CEP83: variants seen among roughly 807,000 people sequenced by gnomAD.
CEP83 encodes centrosomal protein 83.
In CEP83, 70 loss-of-function variants were observed where a neutral mutation model predicts 101.9. The observed-to-expected ratio is 0.69, with a 90% CI of 0.57 to 0.84. CEP83 has a LOEUF of 0.84. Ranked by LOEUF, CEP83 falls within the 40% of genes least tolerant of loss-of-function variation. The pLI is 0.00. For synonymous variants in CEP83, 264 were observed against 267.9 expected, an observed-to-expected ratio of 0.99 and a Z score of 0.14; for missense variants, 715 against 787.2, an observed-to-expected ratio of 0.91 and a Z score of 1.10.
At chr12:94,407,918 A>C (rs1418370404) in intron 4 of CEP83, 1 of 152,422 alleles carries the variant, frequency 6.6e-6, no homozygotes, top group Non-Finnish European at 1.5e-5. Context: ...TCCAGGTTCA[A>C]ACAATTCTCA....
intron 1 of CEP83, among the ~76,000 whole-genome samples, chr12:94,435,768 T>A (rs1418338769): frequency 6.6e-6 from 1 of 152,210 alleles, no homozygotes; most frequent in Non-Finnish European, 1.5e-5. Context: ...TGCAACTCCC[T>A]GGCTAATCAG....
At chr12:94,319,223 T>C (rs1971212485) in intron 14 of CEP83, among the ~76,000 whole-genome samples, 1 of 152,192 alleles carries the variant, frequency 6.6e-6, no homozygotes, top group Non-Finnish European at 1.5e-5. Flanking sequence ...TCTGTGACGG[T>C]TGTTTGTATT....
chr12:94,397,885 T>TG (rs2062997802), intron 6 of CEP83, among the ~76,000 whole-genome samples: 1 of 152,228 alleles, frequency 6.6e-6, no homozygotes, highest in African/African-American at 2.4e-5. Flanking sequence ...GTAGTGTATA[T>TG]ATTACCAGCT....
rs148351677 is a variant in CEP83, at chr12:94,320,218, T to G, written c.1708-7201A>C. Reference sequence around the variant, plus strand: ...GGCAGATGTTCCTCCATCCATTTATTTTGAGCCTATGGGTGTCATTGCATA... The same window carrying G: ...GGCAGATGTTCCTCCATCCATTTATGTTGAGCCTATGGGTGTCATTGCATA... On this transcript the variant is annotated intron_variant, in intron 14 of 16. Coordinates refer to ENST00000397809, the MANE Select transcript of CEP83 (RefSeq NM_016122.3). Among the ~76,000 whole-genome samples the G allele has an allele frequency of 8.4e-4, 128 of 152,340 alleles. 1 individual carries two copies. The East Asian group carries it at 0.022, about 26-fold the overall frequency.
At chr12:94,321,181 T>C (rs1020486363) in intron 14 of CEP83, among the ~76,000 whole-genome samples, 5 of 152,254 alleles carry the variant, frequency 3.3e-5, no homozygotes, top group African/African-American at 1.2e-4. Flanking sequence ...ATACTTGTGA[T>C]TGCATTGTGA....
intron 11 of CEP83, among the ~76,000 whole-genome samples, chr12:94,340,041 T>A (rs2059612341): frequency 6.6e-6 from 1 of 152,162 alleles, no homozygotes; most frequent in East Asian, 1.9e-4. Context: ...TAAATGATAG[T>A]TTTTTGGTTT....
chr12:94,368,023 T>C, intron 10 of CEP83, 34 bp downstream of exon 10: 1 of 1,606,428 alleles, frequency 6.2e-7, no homozygotes, highest in Non-Finnish European at 8.5e-7. Context: ...TTTGCAAGGA[T>C]ATTTAAGTCA....
intron 15 of CEP83, among the ~76,000 whole-genome samples, chr12:94,310,776 TC>T (rs1375376504): frequency 6.6e-6 from 1 of 152,236 alleles, no homozygotes; most frequent in Non-Finnish European, 1.5e-5. Context: ...TGAAATATGG[TC>T]AAATATAGAG....
At chr12:94,449,592 C>T (rs1268124926) in intron 1 of CEP83, among the ~76,000 whole-genome samples, 1 of 131,946 alleles carries the variant, frequency 7.6e-6, no homozygotes, top group African/African-American at 2.8e-5. Flanking sequence ...CCTGTCTCTA[C>T]AAAAAATACC....
chr12:94,299,231 A>G, the CEP83 span, among the ~76,000 whole-genome samples: 3 of 152,252 alleles, frequency 2.0e-5, no homozygotes, highest in African/African-American at 7.2e-5. Context: ...GTACTCAGAT[A>G]CTATGAGAAT....
chr12:94,282,390 G>C, the CEP83 span: 1 of 1,609,046 alleles, frequency 6.2e-7, no homozygotes, highest in South Asian at 1.1e-5. Flanking sequence ...AAACACCATT[G>C]GCCACTATGA....
the CEP83 span, among the ~76,000 whole-genome samples, chr12:94,267,557 C>T: frequency 5.9e-5 from 9 of 151,998 alleles, no homozygotes; most frequent in African/African-American, 1.9e-4. Context: ...TCAGATTTGC[C>T]GGTACATAAG....
chr12:94,325,167 T>C (rs1388541246), intron 14 of CEP83, among the ~76,000 whole-genome samples: 2 of 150,656 alleles, frequency 1.3e-5, no homozygotes, highest in African/African-American at 4.9e-5. Flanking sequence ...CTCCTGTCAA[T>C]TTTCTCTCCC....
At chr12:94,381,534 G>A (rs989835487) in intron 6 of CEP83, among the ~76,000 whole-genome samples, 1 of 152,048 alleles carries the variant, frequency 6.6e-6, no homozygotes, top group Admixed American at 6.6e-5. Flanking sequence ...AAAAATGATA[G>A]CACTTCAATT....
the CEP83 span, among the ~76,000 whole-genome samples, chr12:94,277,353 AGGG>A: frequency 6.6e-6 from 1 of 152,162 alleles, no homozygotes; most frequent in Admixed American, 6.5e-5. Context: ...ACCTGGAGTT[AGGG>A]GGACATCAAT....
the CEP83 span, chr12:94,279,793 C>A: frequency 1.3e-6 from 1 of 775,438 alleles, no homozygotes; most frequent in Non-Finnish European, 2.2e-6. Flanking sequence ...GAGGGCATGT[C>A]TAGGGGCCAA....
At chr12:94,329,386 C>G (rs1356547496) in intron 14 of CEP83, among the ~76,000 whole-genome samples, 1 of 152,092 alleles carries the variant, frequency 6.6e-6, no homozygotes, top group Non-Finnish European at 1.5e-5. Flanking sequence ...CCCACCTCAG[C>G]CTTCCAAGTA....
intron 6 of CEP83, among the ~76,000 whole-genome samples, chr12:94,386,989 A>AG (rs1566054470): frequency 6.6e-6 from 1 of 152,234 alleles, no homozygotes; most frequent in Non-Finnish European, 1.5e-5. Context: ...AACAAAGTTG[A>AG]CAAAAACAAA....
intron 11 of CEP83, among the ~76,000 whole-genome samples, chr12:94,345,782 T>C (rs2059907716): frequency 6.6e-6 from 1 of 152,236 alleles, no homozygotes; most frequent in African/African-American, 2.4e-5. Context: ...TACAATTCTC[T>C]GCACAGTCTA....
Sources: allele counts gnomAD v4.1 joint callset (sites outside exome capture counted in the v4.1 genomes callset), GRCh38; gene constraint gnomAD v4.1.1; transcripts MANE v1.5; gene names NCBI Gene and HGNC (gene_info 2026-07-23, HGNC 2026-07-21).